ADAMTS10: variants seen among roughly 807,000 people sequenced by gnomAD.
ADAMTS10 encodes ADAM metallopeptidase with thrombospondin type 1 motif 10, also known as A disintegrin and metalloproteinase with thrombospondin motifs 10.
A neutral mutation model predicts 135.9 loss-of-function variants in ADAMTS10; 48 were observed. The ratio of observed to expected loss-of-function variants is 0.35; its 90% CI spans 0.28 to 0.45. ADAMTS10 has a LOEUF of 0.45. ADAMTS10 is among the 20% of genes least tolerant of loss of function. The pLI, the probability that ADAMTS10 is intolerant of heterozygous loss-of-function variation, is 1.00. For missense variants in ADAMTS10, 1,131 were observed against 1,565.2 expected, an observed-to-expected ratio of 0.72 and a Z score of 4.68; for synonymous variants, 621 against 647.5, an observed-to-expected ratio of 0.96 and a Z score of 0.62.
intron 5 of ADAMTS10, among the ~76,000 whole-genome samples, chr19:8,603,510 G>T (rs141087040): frequency 1.3e-5 from 2 of 152,152 alleles, no homozygotes; most frequent in Non-Finnish European, 2.9e-5. Flanking sequence ...CTGACCTCAG[G>T]TGATCCGCCC....
rs781788129 is a variant in ADAMTS10 at position 8,580,886 on chromosome 19, G to GCGC, written c.*4_*6dup. 1.3e-5 allele frequency: 21 copies of GCGC among 1,596,114 alleles called. No homozygotes were observed. The highest frequency in any genetic ancestry group is 1.6e-5 in the Non-Finnish European group (19 of 1,171,374). ...CGCCAGCTGTGGCTCCGGGTGCCGC[G>GCGC]CGCCCCCTAGTGGCCATGGCAGGTT... On this transcript the variant is annotated 3_prime_UTR_variant, in exon 26 of 26. Coordinates refer to ENST00000597188, the MANE Select transcript of ADAMTS10 (RefSeq NM_030957.4).
In ADAMTS10 at chr19:8,584,860, C is replaced by A. The variant is rs1469263776; in HGVS notation, c.3202+35G>T. The stretch of plus-strand genomic sequence containing the variant: ...CCTCTGTGGCTGCCTCTGGCCAGGA[C>A]CCTCCTGGCGCACCCTGGCTGGTCA... On this transcript the variant is annotated intron_variant, in intron 25 of 25. Coordinates refer to ENST00000597188, the MANE Select transcript of ADAMTS10 (RefSeq NM_030957.4). 4 of 1,547,702 alleles carry A rather than the reference C, an allele frequency of 2.6e-6. No homozygotes were observed. The East Asian group carries it at 7.3e-5, about 28-fold the overall frequency.
chr19:8,587,529 C>G (rs1353769639), intron 18 of ADAMTS10, among the ~76,000 whole-genome samples: 1 of 148,088 alleles, frequency 6.8e-6, no homozygotes, highest in Non-Finnish European at 1.5e-5. Context: ...TGCAGTGGTG[C>G]GATCATAGGT....
At chr19:8,595,619 G>A (rs1454942518) in intron 12 of ADAMTS10, 143 bp downstream of exon 12, 11 of 1,326,038 alleles carry the variant, frequency 8.3e-6, no homozygotes, top group Admixed American at 1.8e-5. Context: ...TGTCCTCCCA[G>A]GTCACCATGG....
intron 5 of ADAMTS10, among the ~76,000 whole-genome samples, chr19:8,602,158 T>C (rs1555741689): frequency 1.3e-5 from 2 of 152,224 alleles, no homozygotes; most frequent in African/African-American, 2.4e-5. Flanking sequence ...TACAACCAGA[T>C]GGTCTCATGG....
At chr19:8,587,333 C>CT (rs559435857) in intron 18 of ADAMTS10, among the ~76,000 whole-genome samples, 14,339 of 77,466 alleles carry the variant, frequency 0.19, 1,451 homozygotes, top group African/African-American at 0.23. Flanking sequence ...ACTAAAAAAC[C>CT]TTTTTTTTTT....
At chr19:8,603,162 T>C (rs1216266425) in intron 5 of ADAMTS10, among the ~76,000 whole-genome samples, 1 of 152,198 alleles carries the variant, frequency 6.6e-6, no homozygotes, top group Non-Finnish European at 1.5e-5. Flanking sequence ...TGAACACCTT[T>C]CTGGCTGTCT....
At position 8,589,554 on chromosome 19, in the gene ADAMTS10, T is replaced by A; in HGVS notation, c.1932A>T (p.Leu644=). The change falls in exon 17 of 26, where the codon CTA becomes CTT. Residue 644 remains leucine, a synonymous_variant. Transcript: ENST00000597188. ...CCGTGTAGAAGTTGAAGCCTTCCGC[T>A]AGGCACGTGAGCGAGCAGGCCTTCA... ...GGVKACSLTC[L]AEGFNFYTER... The A allele has an allele frequency of 6.2e-7, 1 of 1,613,394 alleles. No individual in the cohort carries two copies. Among genetic ancestry groups the A allele is most frequent in the Non-Finnish European group, 8.5e-7 (1 of 1,179,960 alleles).
chr19:8,598,728 C>G (rs1177767787), intron 6 of ADAMTS10, among the ~76,000 whole-genome samples: 1 of 151,920 alleles, frequency 6.6e-6, no homozygotes, highest in Non-Finnish European at 1.5e-5. Context: ...GTGCCCGCCA[C>G]CACGCCCAGC....
intron 25 of ADAMTS10, chr19:8,581,506 A>T: frequency 6.5e-6 from 1 of 152,720 alleles, no homozygotes; most frequent in East Asian, 1.9e-4. Context: ...CCTGGGCAAC[A>T]TAGTGAGAGC....
chr19:8,596,349 C>T lies in ADAMTS10; in HGVS notation c.1148G>A (p.Gly383Asp). 6.2e-7 allele frequency: 1 copy of T among 1,613,038 alleles called. No homozygotes were observed. The highest frequency in any genetic ancestry group is 8.5e-7 in the Non-Finnish European group (1 of 1,179,868). Residue 383 changes from glycine to aspartate, a missense_variant, in exon 10 of 26, where the codon GGC becomes GAC. Gly to Asp is a moderately conservative substitution (Grantham distance 94). Transcript: ENST00000597188. This position sits in a 1 kb window ranked among gnomAD's most constrained non-coding sequence, Gnocchi z 7.2. ...GGCAATGGTGAACGCTGTGGCCAGGCCAATGTCCTCATTGACGCTGCAGCT... is the reference window on the plus strand; with the variant it reads ...GGCAATGGTGAACGCTGTGGCCAGGTCAATGTCCTCATTGACGCTGCAGCT... Reference protein sequence around the residue: ...ERSCSVNEDIGLATAFTIAHE... With the variant: ...ERSCSVNEDIDLATAFTIAHE...
chr19:8,581,860 C>CAAAAAAAAA (rs71286209), intron 25 of ADAMTS10, among the ~76,000 whole-genome samples: 9 of 127,622 alleles, frequency 7.1e-5, no homozygotes, highest in African/African-American at 8.9e-5. Context: ...AACAAAAAAA[C>CAAAAAAAAA]AAAAAAAAAA....
rs782804969 is a variant in ADAMTS10 at position 8,585,456 on chromosome 19, C to G, written c.2865G>C (p.Glu955Asp). The G allele has an allele frequency of 6.5e-7, 1 of 1,537,126 alleles. No individual in the cohort carries two copies. Among genetic ancestry groups the G allele is most frequent in the South Asian group, 1.2e-5 (1 of 83,738 alleles). The part of the protein sequence containing the change: ...PPEWAALDWS[E>D]CTPSCGPGLR... ...GGCGCGAAGGAAGGGGGCGGCTGAC[C>G]TCAGACCAGTCGAGGGCCGCCCACT... The change falls in exon 23 of 26, where the codon GAG becomes GAC. Residue 955 changes from glutamate to aspartate, a missense_variant and splice_region_variant. Physicochemically the swap from Glu to Asp is conservative, Grantham distance 45. Around this residue, in one of 3 missense-constraint regions of ADAMTS10, gnomAD observed 745 missense variants for 1,056.3 expected, o/e 0.71. Coordinates refer to ENST00000597188, the MANE Select transcript of ADAMTS10 (RefSeq NM_030957.4).
rs781973758 is a variant in ADAMTS10, at chr19:8,591,943, G to T, written c.1733+15C>A. The T allele has an allele frequency of 1.2e-6, 2 of 1,612,206 alleles. No homozygotes were observed. Among genetic ancestry groups the T allele is most frequent in the East Asian group, 2.2e-5 (1 of 44,858 alleles). ...GGTCGCGCTGCCCTCCCGGGTGGGG[G>T]TCCTGAGGGCTGACCTGGGGCTGTC... On this transcript the variant is annotated intron_variant, in intron 14 of 25. Coordinates refer to ENST00000597188, the MANE Select transcript of ADAMTS10 (RefSeq NM_030957.4).
intron 2 of ADAMTS10, among the ~76,000 whole-genome samples, chr19:8,607,399 G>T (rs2042732462): frequency 6.6e-6 from 1 of 151,922 alleles, no homozygotes; most frequent in Non-Finnish European, 1.5e-5. Context: ...TTCTTTCAAG[G>T]CTCCAAGCCA....
Position 8,601,431 on chromosome 19 carries a change from G to A in ADAMTS10, c.593-286C>T, listed in dbSNP as rs2042669241. 6.7e-6 allele frequency among the ~76,000 whole-genome samples: 1 copy of A among 148,348 alleles called. No individual in the cohort carries two copies. Among genetic ancestry groups the A allele is most frequent in the African/African-American group, 2.5e-5 (1 of 40,240 alleles). On this transcript the variant is annotated intron_variant, in intron 5 of 25. Coordinates refer to ENST00000597188, the MANE Select transcript of ADAMTS10 (RefSeq NM_030957.4). This position sits in a 1 kb window ranked among gnomAD's most constrained non-coding sequence, Gnocchi z 4.6. ...GGCTGGACTGCAGTGGTGCGATCTT[G>A]GCTCACTGAAACCTCTGCCTCCCAG... is the stretch of plus-strand genomic sequence containing the variant.
rs1555736816 is a variant in ADAMTS10 at position 8,585,556 on chromosome 19, G to A, written c.2765C>T (p.Ala922Val). ...QRRVSAAEEK[A>V]LDDSACPQPR... ...CTGCGGGCATGCGCTGTCGTCCAGC[G>A]CCTTCTCCTCCGCGGCAGAGACGCG... The change falls in exon 23 of 26, where the codon GCG (alanine) becomes GTG (valine). Residue 922 changes from alanine (A) to valine (V), a missense_variant. This residue lies in a region of ADAMTS10 where 745 missense variants were observed against 1,056.3 expected (regional missense o/e 0.71). Coordinates refer to ENST00000597188, the MANE Select transcript of ADAMTS10 (RefSeq NM_030957.4). The A allele has an allele frequency of 6.3e-7, 1 of 1,596,878 alleles. No individual in the cohort carries two copies. The highest frequency in any genetic ancestry group is 1.1e-5 in the South Asian group (1 of 89,232).
chr19:8,592,297 G>A (rs2042545063), intron 13 of ADAMTS10, 194 bp from the exon 14 acceptor site: 2 of 1,143,984 alleles, frequency 1.7e-6, no homozygotes, highest in East Asian at 2.6e-5. Flanking sequence ...ACAAGCGAGA[G>A]GCGTGGCCTG....
At chr19:8,604,983 C>T (rs782505276) in intron 4 of ADAMTS10, 29 bp downstream of exon 4, 3 of 1,560,108 alleles carry the variant, frequency 1.9e-6, no homozygotes, top group Non-Finnish European at 2.6e-6. Flanking sequence ...ATGGGCATTT[C>T]CCCCCGCGTT....
Sources: gnomAD v4.1 joint callset for allele counts (sites outside exome capture counted in the v4.1 genomes callset) on GRCh38, gnomAD v4.1.1 for gene constraint, gnomAD v4.1.1 regional missense constraint, Gnocchi (gnomAD v3.1) non-coding constraint, MANE v1.5 for transcripts, NCBI Gene and HGNC (gene_info 2026-07-23, HGNC 2026-07-21) for gene names.